Variants in ZNF609 observed in about 807,000 individuals in gnomAD.
ZNF609 encodes zinc finger protein 609.
ZNF609 carries 11 observed loss-of-function variants against 109.5 expected under a neutral mutation model. The ratio of observed to expected loss-of-function variants is 0.10; its 90% CI spans 0.06 to 0.17. The LOEUF (loss-of-function observed/expected upper bound fraction) is 0.17, where lower values mean the gene tolerates loss of function less well. ZNF609 is among the 10% of genes least tolerant of loss of function. The pLI, the probability that ZNF609 is intolerant of heterozygous loss-of-function variation, is 1.00. For missense variants in ZNF609, 1,559 were observed against 1,772.4 expected (o/e 0.88, Z 2.16); for synonymous variants, 646 against 662.0 (o/e 0.98, Z 0.37).
chr15:64,592,659 G>T (rs140492124), intron 2 of ZNF609, among the ~76,000 whole-genome samples: 1 of 151,244 alleles, frequency 6.6e-6, no homozygotes, highest in Non-Finnish European at 1.5e-5. Context: ...CACGAGGCCC[G>T]CAATCCCAGC....
intron 3 of ZNF609, among the ~76,000 whole-genome samples, chr15:64,632,131 C>T (rs1357430466): frequency 6.6e-6 from 1 of 152,152 alleles, no homozygotes; most frequent in African/African-American, 2.4e-5. Context: ...TGGCTCACTG[C>T]AGCCTCAGCC....
chr15:64,585,764 A>C (rs545859133), intron 2 of ZNF609, among the ~76,000 whole-genome samples: 1 of 152,340 alleles, frequency 6.6e-6, no homozygotes, highest in South Asian at 2.1e-4. Flanking sequence ...GCGTAATAAA[A>C]TTCTTGTCCC....
intron 3 of ZNF609, among the ~76,000 whole-genome samples, chr15:64,656,149 C>T (rs1249021779): frequency 1.3e-5 from 2 of 152,036 alleles, no homozygotes; most frequent in Non-Finnish European, 2.9e-5. Flanking sequence ...CTGCAACCTC[C>T]GCCTCCCGTG....
At chr15:64,601,964 G>A (rs372352722) in intron 2 of ZNF609, among the ~76,000 whole-genome samples, 344 of 152,236 alleles carry the variant, frequency 2.3e-3, no homozygotes, top group Non-Finnish European at 4.1e-3. Context: ...GTAATTGCAG[G>A]CAAGTCAGTT....
intron 1 of ZNF609, among the ~76,000 whole-genome samples, chr15:64,496,839 C>T (rs553489201): frequency 4.0e-5 from 6 of 150,832 alleles, no homozygotes; most frequent in South Asian, 2.1e-4. Context: ...TTTGAGACAG[C>T]GTCTCGCTCT....
chr15:64,675,798 C>A lies in ZNF609; in HGVS notation c.2944C>A (p.Pro982Thr), dbSNP rs1329859110. 1.5e-5 allele frequency: 24 copies of A among 1,614,170 alleles called. No individual in the cohort carries two copies. The highest frequency in any genetic ancestry group is 1.9e-5 in the Non-Finnish European group (23 of 1,180,036). The change falls in exon 5 of 10, where the codon CCC becomes ACC. Residue 982 changes from proline (P) to threonine (T), a missense_variant. Physicochemically the swap from Pro to Thr is conservative, Grantham distance 38 (BLOSUM62 -1). Transcript: ENST00000326648. Reference sequence around the variant, plus strand: ...CTACAACCAGTATGCCTATGTACCCCCCTATGGCTACAGCGACCAGAGTTA... The same window carrying A: ...CTACAACCAGTATGCCTATGTACCCACCTATGGCTACAGCGACCAGAGTTA... ...LYYNQYAYVPPYGYSDQSYHT... is the reference protein window; with the variant it reads ...LYYNQYAYVPTYGYSDQSYHT...
chr15:64,592,742 C>A (rs1895322196), intron 2 of ZNF609, among the ~76,000 whole-genome samples: 1 of 135,276 alleles, frequency 7.4e-6, no homozygotes, highest in East Asian at 2.2e-4. Context: ...CATGATGAAA[C>A]CCCATTTCTA....
At chr15:64,633,916 C>T (rs745404638) in intron 3 of ZNF609, among the ~76,000 whole-genome samples, 8 of 151,888 alleles carry the variant, frequency 5.3e-5, no homozygotes, top group Non-Finnish European at 1.0e-4. Context: ...AAAATGTTTA[C>T]CAATCTCATG....
chr15:64,591,413 G>A (rs1356293753), intron 2 of ZNF609, among the ~76,000 whole-genome samples: 1 of 151,898 alleles, frequency 6.6e-6, no homozygotes, highest in East Asian at 1.9e-4. Flanking sequence ...GGGCGACAGA[G>A]ACAGACTCTA....
chr15:64,638,117 A>C (rs1050174917), intron 3 of ZNF609, among the ~76,000 whole-genome samples: 1 of 149,926 alleles, frequency 6.7e-6, no homozygotes, highest in Non-Finnish European at 1.5e-5. Flanking sequence ...CAAGATTCTT[A>C]TTTTTTTATA....
chr15:64,552,763 C>T (rs1179846316), intron 2 of ZNF609, among the ~76,000 whole-genome samples: 1 of 152,084 alleles, frequency 6.6e-6, no homozygotes, highest in Admixed American at 6.6e-5. Context: ...GATGGTTGGC[C>T]TCAGGCTCCC....
At chr15:64,601,866 GC>G in intron 2 of ZNF609, among the ~76,000 whole-genome samples, 1 of 152,158 alleles carries the variant, frequency 6.6e-6, no homozygotes, top group Non-Finnish European at 1.5e-5. Flanking sequence ...AAGCTTCTTT[GC>G]AGTAGCATAG....
At chr15:64,534,210 C>T (rs1374670998) in intron 2 of ZNF609, among the ~76,000 whole-genome samples, 1 of 151,922 alleles carries the variant, frequency 6.6e-6, no homozygotes, top group African/African-American at 2.4e-5. Flanking sequence ...GGGGTTTCTC[C>T]ATGTTGGTCA....
chr15:64,535,652 T>A (rs1342942687), intron 2 of ZNF609, among the ~76,000 whole-genome samples: 1 of 152,158 alleles, frequency 6.6e-6, no homozygotes, highest in South Asian at 2.1e-4. Context: ...TGCCCAAGAG[T>A]GCAGTTGCTG....
intron 3 of ZNF609, among the ~76,000 whole-genome samples, chr15:64,645,008 TCTTC>T (rs1170783769): frequency 0.019 from 2,721 of 140,006 alleles, 75 homozygotes; most frequent in African/African-American, 0.063. Context: ...TTTCTTTCTT[TCTTC>T]CTTCCTTCCT....
chr15:64,508,508 G>C (rs1415280310), intron 2 of ZNF609, among the ~76,000 whole-genome samples: 1 of 152,080 alleles, frequency 6.6e-6, no homozygotes, highest in Non-Finnish European at 1.5e-5. Context: ...AAAGTACTCT[G>C]TAGAGAAGTG....
chr15:64,497,233 A>G (rs989029970), intron 1 of ZNF609, among the ~76,000 whole-genome samples: 8 of 152,214 alleles, frequency 5.3e-5, no homozygotes, highest in African/African-American at 1.7e-4. Context: ...AGTAGGATCT[A>G]TGTAGACTTG....
At chr15:64,506,834 T>G (rs1298948844) in intron 2 of ZNF609, among the ~76,000 whole-genome samples, 1 of 152,178 alleles carries the variant, frequency 6.6e-6, no homozygotes, top group Non-Finnish European at 1.5e-5. Flanking sequence ...AAATACAGTT[T>G]GAGTGGAAAT....
At chr15:64,678,626 G>GAAAA in intron 6 of ZNF609, 144 bp downstream of exon 6, 1 of 1,183,234 alleles carries the variant, frequency 8.5e-7, no homozygotes, top group Non-Finnish European at 1.2e-6. Context: ...GTCATTCTGT[G>GAAAA]AGGTGGCCAC....
Sources: gnomAD v4.1 joint callset for allele counts (sites outside exome capture counted in the v4.1 genomes callset) on GRCh38, gnomAD v4.1.1 for gene constraint, MANE v1.5 for transcripts, NCBI Gene and HGNC (gene_info 2026-07-23, HGNC 2026-07-21) for gene names.